Variants in ATRNL1 observed in about 807,000 individuals in gnomAD.
ATRNL1 encodes attractin-like protein 1.
A neutral mutation model predicts 182.7 loss-of-function variants in ATRNL1; 95 were observed. The observed-to-expected ratio is 0.52, with a 90% CI of 0.44 to 0.62. The LOEUF is 0.62. ATRNL1 is among the 20% of genes least tolerant of loss of function. The pLI, the probability that ATRNL1 is intolerant of heterozygous loss-of-function variation, is 0.00. For synonymous variants in ATRNL1, 576 were observed against 568.3 expected (o/e 1.01, Z -0.19); for missense variants, 1,471 against 1,679.5 (o/e 0.88, Z 2.17).
In ATRNL1 at chr10:115,285,601, A is replaced by G. The variant is rs2133936572; in HGVS notation, c.2234-615A>G. On this transcript the variant is annotated intron_variant, in intron 14 of 28. Coordinates refer to ENST00000355044, the MANE Select transcript of ATRNL1 (RefSeq NM_207303.4). ...TGGATTCTATAGATAAACCATTATT[A>G]CTGAACAGTATGTTTCATTTTTAGA... Among the ~76,000 whole-genome samples the G allele has an allele frequency of 1.3e-5, 2 of 152,218 alleles. 1 individual carries two copies. Among genetic ancestry groups the G allele is most frequent in the South Asian group, 4.1e-4 (2 of 4,832 alleles).
At chr10:115,626,386 G>C (rs1858104025) in intron 26 of ATRNL1, among the ~76,000 whole-genome samples, 2 of 152,228 alleles carry the variant, frequency 1.3e-5, no homozygotes, top group South Asian at 4.2e-4. Context: ...ATCATACTTA[G>C]AGGTAATAGT....
chr10:115,491,189 C>G (rs182392650), intron 24 of ATRNL1, among the ~76,000 whole-genome samples: 3 of 152,262 alleles, frequency 2.0e-5, no homozygotes, highest in Non-Finnish European at 4.4e-5. Context: ...CAAGGTGTCT[C>G]CCAGTCATGA....
chr10:115,426,279 A>G lies in ATRNL1; in HGVS notation c.3299A>G (p.Asn1100Ser). The G allele has an allele frequency of 6.2e-7, 1 of 1,611,948 alleles. No individual in the cohort carries two copies. Among genetic ancestry groups the G allele is most frequent in the South Asian group, 1.1e-5 (1 of 90,938 alleles). ...GACTCTGAAAATCGCTATGTTGGTA[A>G]TCCACTTAGAGGAACATGTTATTGT... ...LCDSENRYVG[N>S]PLRGTCYYSL... Residue 1100 changes from asparagine (N) to serine (S), a missense_variant, in exon 21 of 29, where the codon AAT becomes AGT. Physicochemically the swap from Asn to Ser is conservative, Grantham distance 46 (BLOSUM62 1). Coordinates refer to ENST00000355044, the MANE Select transcript of ATRNL1 (RefSeq NM_207303.4).
chr10:115,336,116 C>T (rs1301749559), intron 19 of ATRNL1, among the ~76,000 whole-genome samples: 1 of 152,184 alleles, frequency 6.6e-6, no homozygotes, highest in Non-Finnish European at 1.5e-5. Context: ...CCTCATTTTA[C>T]ATGTGGACAC....
rs1047765405 is a variant in ATRNL1 at position 115,948,147 on chromosome 10, C to T, written c.*3368C>T. 21 of 152,208 alleles carry T rather than the reference C, an allele frequency of 1.4e-4. No individual in the cohort carries two copies. Among genetic ancestry groups the T allele is most frequent in the Non-Finnish European group, 1.5e-5 (1 of 68,038 alleles). 9.4% of individuals were successfully genotyped at this position (152,208 alleles called of 1,614,324 possible). On this transcript the variant is annotated 3_prime_UTR_variant, in exon 29 of 29. Coordinates refer to ENST00000355044, the MANE Select transcript of ATRNL1 (RefSeq NM_207303.4). ...AGGGATTTCTACAAAACGACTTTGA[C>T]ATTTAGTCAATAAAGACTTAAACTC...
intron 25 of ATRNL1, among the ~76,000 whole-genome samples, chr10:115,525,951 G>A (rs146111999): frequency 3.3e-5 from 5 of 151,914 alleles, no homozygotes; most frequent in South Asian, 4.2e-4. Context: ...ATTTTCTTTC[G>A]TATCAGGCTC....
chr10:115,485,550 T>A (rs1045835882), intron 24 of ATRNL1, among the ~76,000 whole-genome samples: 1 of 152,052 alleles, frequency 6.6e-6, no homozygotes, highest in African/African-American at 2.4e-5. Flanking sequence ...TTAACCTTAG[T>A]GACCATTCTA....
chr10:115,288,434 C>T (rs1194113449), intron 15 of ATRNL1, among the ~76,000 whole-genome samples: 4 of 151,480 alleles, frequency 2.6e-5, no homozygotes, highest in East Asian at 3.9e-4. Flanking sequence ...GATGATAGCT[C>T]GTTGTGGTTT....
intron 26 of ATRNL1, among the ~76,000 whole-genome samples, chr10:115,621,572 G>A (rs1306422796): frequency 6.6e-6 from 1 of 151,590 alleles, no homozygotes; most frequent in Non-Finnish European, 1.5e-5. Flanking sequence ...ATAGTGCTGG[G>A]GTTAAATGTG....
chr10:115,802,911 T>C (rs1949830779), intron 27 of ATRNL1, among the ~76,000 whole-genome samples: 1 of 152,212 alleles, frequency 6.6e-6, no homozygotes, highest in Admixed American at 6.5e-5. Flanking sequence ...GAAGGGTTCA[T>C]TTCCCATTGA....
At chr10:115,851,958 C>A (rs1355335541) in intron 28 of ATRNL1, among the ~76,000 whole-genome samples, 1 of 152,104 alleles carries the variant, frequency 6.6e-6, no homozygotes, top group East Asian at 1.9e-4. Flanking sequence ...GCATGGTCCC[C>A]AAGCGTTTTA....
intron 10 of ATRNL1, among the ~76,000 whole-genome samples, chr10:115,262,573 A>G (rs1851436506): frequency 6.6e-6 from 1 of 152,020 alleles, no homozygotes. Flanking sequence ...TCTGTAAAAC[A>G]AGGTTTCATA....
At chr10:115,130,970 CCTT>C (rs1845206352) in intron 5 of ATRNL1, among the ~76,000 whole-genome samples, 2 of 152,156 alleles carry the variant, frequency 1.3e-5, no homozygotes, top group South Asian at 2.1e-4. Flanking sequence ...TTTCATTAGT[CCTT>C]CTTTGAAATG....
At chr10:115,511,232 A>G (rs1214879791) in intron 24 of ATRNL1, among the ~76,000 whole-genome samples, 1 of 151,920 alleles carries the variant, frequency 6.6e-6, no homozygotes, top group African/African-American at 2.4e-5. Context: ...GAAAGTTTAT[A>G]TGGAATAGAT....
intron 15 of ATRNL1, among the ~76,000 whole-genome samples, chr10:115,296,224 AC>A (rs1266913166): frequency 1.3e-5 from 2 of 152,198 alleles, no homozygotes; most frequent in African/African-American, 4.8e-5. Flanking sequence ...GGTGGAGAAG[AC>A]AGGGCAAAGG....
At chr10:115,222,059 T>C (rs542171402) in intron 9 of ATRNL1, among the ~76,000 whole-genome samples, 2 of 152,286 alleles carry the variant, frequency 1.3e-5, no homozygotes, top group South Asian at 4.1e-4. Context: ...AAAATAATTA[T>C]TGTTATGTTC....
chr10:115,272,820 A>G (rs1334991330), intron 13 of ATRNL1, among the ~76,000 whole-genome samples: 18 of 152,138 alleles, frequency 1.2e-4, no homozygotes, highest in Admixed American at 9.2e-4. Flanking sequence ...AGGGAACATG[A>G]TAAGACCAGT....
intron 27 of ATRNL1, among the ~76,000 whole-genome samples, chr10:115,779,653 C>A (rs1555078791): frequency 1.3e-5 from 2 of 152,140 alleles, no homozygotes; most frequent in East Asian, 1.9e-4. Flanking sequence ...TTTCTAAATT[C>A]TATCACTACA....
intron 26 of ATRNL1, among the ~76,000 whole-genome samples, chr10:115,717,545 G>GTTTTTTTT (rs1555056622): frequency 9.2e-5 from 6 of 65,226 alleles, no homozygotes; most frequent in South Asian, 6.9e-4. Flanking sequence ...TGCCTGAAAT[G>GTTTTTTTT]TTCTTTTTTT....
Sources: allele counts gnomAD v4.1 joint callset (sites outside exome capture counted in the v4.1 genomes callset), GRCh38; gene constraint gnomAD v4.1.1; transcripts MANE v1.5; gene names NCBI Gene and HGNC (gene_info 2026-07-23, HGNC 2026-07-21).